Variants in WWOX observed in about 807,000 individuals in gnomAD.
WWOX encodes the protein WW domain containing oxidoreductase.
Under a neutral mutation model 46.2 loss-of-function variants are expected in WWOX, and 69 were observed. That is an observed-to-expected ratio of 1.49 (90% CI 1.23 to 1.82). WWOX has a LOEUF of 1.82. Ranked by LOEUF, WWOX falls within the 40% of genes most tolerant of loss-of-function variation. WWOX has a pLI of 0.00. For missense variants in WWOX, 919 were observed against 542.6 expected, an observed-to-expected ratio of 1.69 and a Z score of -6.89; for synonymous variants, 359 against 202.6, an observed-to-expected ratio of 1.77 and a Z score of -6.56.
chr16:78,435,105 T>A (rs759496439), intron 8 of WWOX, among the ~76,000 whole-genome samples: 1 of 151,398 alleles, frequency 6.6e-6, no homozygotes, highest in Non-Finnish European at 1.5e-5. Flanking sequence ...GATATCGGAG[T>A]GTTAGCTGTT....
At chr16:78,328,231 A>G (rs929441247) in intron 5 of WWOX, among the ~76,000 whole-genome samples, 3 of 152,124 alleles carry the variant, frequency 2.0e-5, no homozygotes, top group South Asian at 2.1e-4. Flanking sequence ...CGAACCTTCA[A>G]AAAACAACAA....
chr16:78,520,157 G>C (rs944535208), intron 8 of WWOX, among the ~76,000 whole-genome samples: 2 of 152,168 alleles, frequency 1.3e-5, no homozygotes, highest in Non-Finnish European at 2.9e-5. Flanking sequence ...CCAGTCTGAA[G>C]CTTTTATTCC....
intron 5 of WWOX, among the ~76,000 whole-genome samples, chr16:78,353,149 T>C (rs2081217197): frequency 6.6e-6 from 1 of 152,202 alleles, no homozygotes; most frequent in South Asian, 2.1e-4. Context: ...TAACTATGCA[T>C]TCCTTTTTCT....
In WWOX at chr16:78,958,710, T is replaced by C. The variant is rs553528434; in HGVS notation, c.1057-252898T>C. Among the ~76,000 whole-genome samples the C allele has an allele frequency of 2.4e-3, 371 of 152,312 alleles. 1 individual carries two copies. The highest frequency in any genetic ancestry group is 3.7e-3 in the Non-Finnish European group (255 of 68,024). ...ACTGAAATATAAATTACATGGTATG[T>C]GCAGGTATCACCAGGATGCAATTAG... On this transcript the variant is annotated intron_variant, in intron 8 of 8. Coordinates refer to ENST00000566780, the MANE Select transcript of WWOX (RefSeq NM_016373.4).
At chr16:78,541,986 G>A (rs1408572619) in intron 8 of WWOX, among the ~76,000 whole-genome samples, 2 of 114,762 alleles carry the variant, frequency 1.7e-5, no homozygotes, top group African/African-American at 3.3e-5. Context: ...TTTGAAGTCA[G>A]TTACCAGAGG....
chr16:78,331,486 C>T (rs1204800739), intron 5 of WWOX, among the ~76,000 whole-genome samples: 6 of 152,134 alleles, frequency 3.9e-5, no homozygotes, highest in African/African-American at 1.2e-4. Flanking sequence ...AGACCGTCTT[C>T]GTAATATAGC....
At chr16:78,594,518 T>G (rs924940913) in intron 8 of WWOX, among the ~76,000 whole-genome samples, 19 of 138,394 alleles carry the variant, frequency 1.4e-4, no homozygotes, top group African/African-American at 5.0e-4. Flanking sequence ...CCCTGCTAGG[T>G]ACAAATCCCA....
chr16:78,808,665 G>C (rs1197327925), intron 8 of WWOX, among the ~76,000 whole-genome samples: 1 of 152,126 alleles, frequency 6.6e-6, no homozygotes, highest in Non-Finnish European at 1.5e-5. Context: ...TTAATTTCCT[G>C]CATCAGCTAA....
chr16:78,427,102 C>G (rs4073034), intron 7 of WWOX, among the ~76,000 whole-genome samples: 20,465 of 152,098 alleles, frequency 0.13, 1,751 homozygotes, highest in African/African-American at 0.23. Flanking sequence ...AAGACAGTTG[C>G]TCACTACCCA....
chr16:79,146,702 T>C (rs1431596122), intron 8 of WWOX, among the ~76,000 whole-genome samples: 1 of 152,138 alleles, frequency 6.6e-6, no homozygotes, highest in Non-Finnish European at 1.5e-5. Flanking sequence ...GTTTATATTA[T>C]GGGAAGTTTT....
chr16:78,578,262 A>ATATATATATATT (rs1200034160), intron 8 of WWOX, among the ~76,000 whole-genome samples: 28 of 18,962 alleles, frequency 1.5e-3, no homozygotes, highest in African/African-American at 4.3e-3. Context: ...TTTTATATAT[A>ATATATATATATT]TATATATATA....
chr16:78,527,991 C>CTTTTTTTTTTTTTTGTTTTTTTTTT (rs2043519428), intron 8 of WWOX, among the ~76,000 whole-genome samples: 1 of 34,880 alleles, frequency 2.9e-5, no homozygotes, highest in Non-Finnish European at 5.3e-5. Flanking sequence ...GGTACATGTC[C>CTTTTTTTTTTTTTTGTTTTTTTTTT]TTTTTTTTTT....
In WWOX at chr16:78,603,191, C is replaced by T. The variant is rs2045664568; in HGVS notation, c.1056+170439C>T. Among the ~76,000 whole-genome samples, 9 of 152,286 alleles carry T rather than the reference C, an allele frequency of 5.9e-5. No individual in the cohort carries two copies. In the South Asian group the frequency reaches 1.9e-3, roughly 32 times the overall value. On this transcript the variant is annotated intron_variant, in intron 8 of 8. Coordinates refer to ENST00000566780, the MANE Select transcript of WWOX (RefSeq NM_016373.4). ...ACATCATCTTCTAACAGCTTCTCTG[C>T]CACACCTGGAGAAGTGCCAATATCA...
chr16:78,841,879 A>T (rs1462715014), intron 8 of WWOX, among the ~76,000 whole-genome samples: 1 of 152,166 alleles, frequency 6.6e-6, no homozygotes, highest in African/African-American at 2.4e-5. Context: ...GTTATACAAT[A>T]TTTCTTTTGA....
intron 8 of WWOX, among the ~76,000 whole-genome samples, chr16:79,089,561 A>G (rs914416658): frequency 1.3e-5 from 2 of 151,804 alleles, no homozygotes; most frequent in African/African-American, 4.8e-5. Context: ...CGAACTCCTG[A>G]CCTCATGATC....
intron 8 of WWOX, among the ~76,000 whole-genome samples, chr16:78,963,825 C>T (rs921195475): frequency 2.6e-5 from 4 of 152,140 alleles, no homozygotes; most frequent in South Asian, 2.1e-4. Context: ...TAACTTGAAT[C>T]GTATCTCCCA....
In WWOX at chr16:78,808,216, G is replaced by C. The variant is rs79997480; in HGVS notation, c.1056+375464G>C. Among the ~76,000 whole-genome samples, 21 of 152,244 alleles carry C rather than the reference G, an allele frequency of 1.4e-4. No homozygotes were observed. In the East Asian group the frequency reaches 3.5e-3, roughly 25 times the overall value. On this transcript the variant is annotated intron_variant, in intron 8 of 8. Transcript: ENST00000566780. ...TAACCCCTCTGAATATGCTCCTCCT[G>C]TGATACCCATAGGGACCCTGAACCT...
At chr16:79,046,602 C>T (rs967757210) in intron 8 of WWOX, among the ~76,000 whole-genome samples, 7 of 152,072 alleles carry the variant, frequency 4.6e-5, no homozygotes, top group African/African-American at 1.7e-4. Flanking sequence ...CCCAGTTCCT[C>T]CCCAGTACAC....
intron 5 of WWOX, among the ~76,000 whole-genome samples, chr16:78,376,286 T>G (rs1355439000): frequency 1.3e-5 from 2 of 152,200 alleles, no homozygotes; most frequent in Non-Finnish European, 2.9e-5. Context: ...GTGAAGTATG[T>G]GGGGGCGGTT....
Sources: gnomAD v4.1 joint callset for allele counts (sites outside exome capture counted in the v4.1 genomes callset) on GRCh38, gnomAD v4.1.1 for gene constraint, MANE v1.5 for transcripts, NCBI Gene and HGNC (gene_info 2026-07-23, HGNC 2026-07-21) for gene names.